PRDM14: variants seen among roughly 807,000 people sequenced by gnomAD.
PRDM14 encodes the protein PR/SET domain 14.
Under a neutral mutation model 48.0 loss-of-function variants are expected in PRDM14, and 16 were observed. That is an observed-to-expected ratio of 0.33 (90% CI 0.23 to 0.51). PRDM14 has a LOEUF of 0.51. PRDM14 is among the 20% of genes least tolerant of loss of function. The probability of loss-of-function intolerance (pLI) is 0.97; values close to 1 mark genes in which losing one functional copy is unlikely to be tolerated. For synonymous variants in PRDM14, 264 were observed against 276.6 expected (o/e 0.95, Z 0.45); for missense variants, 566 against 719.6 (o/e 0.79, Z 2.44).
At position 70,052,037 on chromosome 8, in the gene PRDM14, G is replaced by A. The variant is rs780388932; in HGVS notation, c.*40C>T. 121 of 1,425,572 alleles carry A rather than the reference G, an allele frequency of 8.5e-5. 1 individual carries two copies. In the East Asian group the frequency reaches 2.8e-3, roughly 32 times the overall value. 88.3% of individuals were successfully genotyped at this position (1,425,572 alleles called of 1,614,324 possible). A position where few individuals can be genotyped will look rare whatever the true frequency, so the allele number is the denominator to read the frequency against. ...GATCCACCCACCTCTGCCTCCCAAA[G>A]TGCTGGGATTACAGGCGTGAGTCAT... On this transcript the variant is annotated 3_prime_UTR_variant, in exon 8 of 8. Coordinates refer to ENST00000276594, the MANE Select transcript of PRDM14 (RefSeq NM_024504.4).
Position 70,058,315 on chromosome 8 carries a change from G to C in PRDM14, c.1386+325C>G, listed in dbSNP as rs111312888. On this transcript the variant is annotated intron_variant, in intron 6 of 7. Transcript: ENST00000276594. ...TCCTGCCCAACTAACCCTGCCACCA[G>C]TATAAATCAGACACCCCATTTGTCC... 4.6e-3 allele frequency among the ~76,000 whole-genome samples: 694 copies of C among 152,258 alleles called. 4 individuals carry two copies. Among genetic ancestry groups the C allele is most frequent in the African/African-American group, 0.016 (670 of 41,538 alleles).
At chr8:70,068,146 C>T (rs1805702702) in intron 4 of PRDM14, 84 bp downstream of exon 4, 1 of 1,497,128 alleles carries the variant, frequency 6.7e-7, no homozygotes, top group Non-Finnish European at 9.2e-7. Context: ...GACCAGGACT[C>T]TCCCAAAAGG....
At chr8:70,055,512 T>G in intron 6 of PRDM14, 111 bp from the exon 7 acceptor site, 1 of 314,272 alleles carries the variant, frequency 3.2e-6, no homozygotes, top group Non-Finnish European at 5.3e-6. Flanking sequence ...TTTTTTTCTT[T>G]TTTTTTTTTT....
At position 70,069,766 on chromosome 8, in the gene PRDM14, G is replaced by A. The variant is rs1805735945; in HGVS notation, c.95C>T (p.Pro32Leu). 1 of 1,609,206 alleles carries A rather than the reference G, an allele frequency of 6.2e-7. No individual in the cohort carries two copies. The highest frequency in any genetic ancestry group is 1.3e-5 in the African/African-American group (1 of 74,874). ...SPQNLAAYYT[P>L]FPSYGHYRNS... The stretch of plus-strand genomic sequence containing the variant: ...TCTGTAGTGTCCATAGGACGGGAAA[G>A]GCGTGTAGTACGCGGCCAGGTTCTG... The change falls in exon 2 of 8, where the codon CCT (proline) becomes CTT (leucine). Residue 32 changes from proline (P) to leucine (L), a missense_variant. Physicochemically the swap from Pro to Leu is moderately conservative, Grantham distance 98. Around this residue, in one of 3 missense-constraint regions of PRDM14, gnomAD observed 410 missense variants for 424.6 expected, o/e 0.97. Transcript: ENST00000276594.
intron 5 of PRDM14, among the ~76,000 whole-genome samples, chr8:70,059,276 CTTT>C (rs1306697343): frequency 7.0e-6 from 1 of 143,286 alleles, no homozygotes. Context: ...CTTTTCTTTT[CTTT>C]TTTTTTTTTT....
In PRDM14 at chr8:70,068,370, T is replaced by A. The variant is rs1476107894; in HGVS notation, c.772A>T (p.Thr258Ser). The A allele has an allele frequency of 3.7e-6, 6 of 1,614,030 alleles. No individual in the cohort carries two copies. Among genetic ancestry groups the A allele is most frequent in the African/African-American group, 1.3e-5 (1 of 74,904 alleles). ...AAATGTGGGACTTCACCAAACACCG[T>A]CTGCATGAGGCATAGACCTAGGGGA... ...QLPEGLCLMQ[T>S]VFGEVPHFGV... is the part of the protein sequence containing the mutation. The change falls in exon 4 of 8, where the codon ACG (threonine) becomes TCG (serine). Residue 258 changes from threonine to serine, a missense_variant. Physicochemically the swap from Thr to Ser is moderately conservative, Grantham distance 58. Around this residue, in one of 3 missense-constraint regions of PRDM14, gnomAD observed 410 missense variants for 424.6 expected, o/e 0.97. Coordinates refer to ENST00000276594, the MANE Select transcript of PRDM14 (RefSeq NM_024504.4).
chr8:70,055,395 T>C lies in PRDM14; in HGVS notation c.1393A>G (p.Thr465Ala), dbSNP rs942255041. 2 of 1,578,018 alleles carry C rather than the reference T, an allele frequency of 1.3e-6. No individual in the cohort carries two copies. Among genetic ancestry groups the C allele is most frequent in the Non-Finnish European group, 8.7e-7 (1 of 1,147,676 alleles). Residue 465 changes from threonine (T) to alanine (A), a missense_variant, in exon 7 of 8, where the codon ACA (threonine) becomes GCA (alanine). By Grantham distance (58) the Thr-to-Ala change is moderately conservative (BLOSUM62 0). This residue lies in a region of PRDM14 where 126 missense variants were observed against 271.6 expected (regional missense o/e 0.46). Coordinates refer to ENST00000276594, the MANE Select transcript of PRDM14 (RefSeq NM_024504.4). ...HEKHRPHKCS[T>A]CGKCFSQSSS... ...GATTGAGAGAAACATTTCCCACATG[T>C]AGAACACTAAGGTGAAAAAGAAAAA...
chr8:70,053,577 T>C (rs1805424102), intron 7 of PRDM14, among the ~76,000 whole-genome samples: 1 of 152,100 alleles, frequency 6.6e-6, no homozygotes, highest in African/African-American at 2.4e-5. Flanking sequence ...TTAGTAGAGA[T>C]GGTGTTTCTC....
intron 4 of PRDM14, among the ~76,000 whole-genome samples, chr8:70,067,256 C>T (rs1371309804): frequency 6.6e-6 from 1 of 152,192 alleles, no homozygotes; most frequent in Non-Finnish European, 1.5e-5. Flanking sequence ...CCTGGTGGCT[C>T]ACACCTGTAA....
Position 70,068,171 on chromosome 8 carries a change from T to C in PRDM14, c.912+59A>G. 2.5e-6 allele frequency: 4 copies of C among 1,597,810 alleles called. No individual in the cohort carries two copies. In the South Asian group the frequency reaches 3.3e-5, roughly 13 times the overall value. ...CTCCCAAAAGGGCAAAGGCCAAGAT[T>C]TCCCCGGACTAGTCTCCCGCCCCAT... On this transcript the variant is annotated intron_variant, in intron 4 of 7. Transcript: ENST00000276594.
chr8:70,052,229 A>C lies in PRDM14; in HGVS notation c.1564T>G (p.Cys522Gly). Residue 522 changes from cysteine to glycine, a missense_variant, in exon 8 of 8, where the codon TGT becomes GGT. Cys to Gly is a radical substitution (Grantham distance 159, BLOSUM62 -3). Transcript: ENST00000276594. ...SGEKPFKCKY[C>G]GKSFASHAAH... Reference sequence around the variant, plus strand: ...GCATGGGATGCAAAAGATTTACCACAGTACTTGCATTTGAAGGGCTTCTCC... The same window carrying C: ...GCATGGGATGCAAAAGATTTACCACCGTACTTGCATTTGAAGGGCTTCTCC... 1 of 1,614,192 alleles carries C rather than the reference A, an allele frequency of 6.2e-7. No homozygotes were observed. The highest frequency in any genetic ancestry group is 8.5e-7 in the Non-Finnish European group (1 of 1,180,048).
At chr8:70,067,392 C>T (rs1479138968) in intron 4 of PRDM14, among the ~76,000 whole-genome samples, 1 of 152,022 alleles carries the variant, frequency 6.6e-6, no homozygotes, top group Non-Finnish European at 1.5e-5. Context: ...GTGGCACATG[C>T]CTGTAATCCT....
At chr8:70,064,425 C>T (rs1385629804) in intron 5 of PRDM14, among the ~76,000 whole-genome samples, 1 of 151,884 alleles carries the variant, frequency 6.6e-6, no homozygotes, top group Non-Finnish European at 1.5e-5. Context: ...TCAGTACGCA[C>T]TGGGATCCAG....
intron 6 of PRDM14, among the ~76,000 whole-genome samples, 154 bp from the exon 7 acceptor site, chr8:70,055,555 G>A (rs1805459316): frequency 6.6e-6 from 1 of 150,950 alleles, no homozygotes; most frequent in East Asian, 1.9e-4. Flanking sequence ...ACCCAGACTG[G>A]ACTGCAGTGG....
At position 70,069,433 on chromosome 8, in the gene PRDM14, C is replaced by T. The variant is rs1420559706; in HGVS notation, c.428G>A (p.Cys143Tyr). The change falls in exon 2 of 8, where the codon TGT (cysteine) becomes TAT (tyrosine). Residue 143 changes from cysteine to tyrosine, a missense_variant. Around this residue, in one of 3 missense-constraint regions of PRDM14, gnomAD observed 410 missense variants for 424.6 expected, o/e 0.97. Coordinates refer to ENST00000276594, the MANE Select transcript of PRDM14 (RefSeq NM_024504.4). ...IIGGDNESGPCCGPDTLIPPP... is the reference protein window; with the variant it reads ...IIGGDNESGPYCGPDTLIPPP... ...TGGAATTAAAGTGTCAGGTCCACAA[C>T]ACGGGCCACTCTCGTTGTCGCCACC... 6.3e-7 allele frequency: 1 copy of T among 1,592,316 alleles called. No homozygotes were observed. The highest frequency in any genetic ancestry group is 1.1e-5 in the South Asian group (1 of 87,524).
rs1397098289 is a variant in PRDM14, at chr8:70,066,217, G to C, written c.1183+18C>G. 6.2e-7 allele frequency: 1 copy of C among 1,609,850 alleles called. No individual in the cohort carries two copies. ...TACTGGGATGCCCTCATTGGGCAAG[G>C]CGAGGGTGTGCACTCACCTTCAGAG... is the stretch of plus-strand genomic sequence containing the variant. On this transcript the variant is annotated intron_variant, in intron 5 of 7. Coordinates refer to ENST00000276594, the MANE Select transcript of PRDM14 (RefSeq NM_024504.4).
intron 6 of PRDM14, among the ~76,000 whole-genome samples, chr8:70,056,878 G>GA (rs1805482247): frequency 1.4e-5 from 2 of 148,074 alleles, no homozygotes; most frequent in African/African-American, 5.0e-5. Flanking sequence ...CTCGTCTGTT[G>GA]AAGGGTAAGC....
chr8:70,062,899 G>T (rs1805609897), intron 5 of PRDM14, among the ~76,000 whole-genome samples: 1 of 152,090 alleles, frequency 6.6e-6, no homozygotes, highest in Non-Finnish European at 1.5e-5. Context: ...AGAGCATTTT[G>T]GATTTGGGAT....
At chr8:70,062,566 C>T (rs1036399987) in intron 5 of PRDM14, among the ~76,000 whole-genome samples, 93 of 151,792 alleles carry the variant, frequency 6.1e-4, no homozygotes, top group African/African-American at 2.0e-3. Context: ...CGGTTTCAAG[C>T]GATTATCCGG....
Sources: gnomAD v4.1 joint callset for allele counts (sites outside exome capture counted in the v4.1 genomes callset) on GRCh38, gnomAD v4.1.1 for gene constraint, gnomAD v4.1.1 regional missense constraint, MANE v1.5 for transcripts, NCBI Gene and HGNC (gene_info 2026-07-23, HGNC 2026-07-21) for gene names.